Variants in TBC1D19 observed in about 807,000 individuals in gnomAD.
TBC1D19 encodes TBC1 domain family member 19.
In TBC1D19, 60 loss-of-function variants were observed where a neutral mutation model predicts 89.0. That is an observed-to-expected ratio of 0.67 (90% CI 0.55 to 0.84). TBC1D19 has a LOEUF of 0.84. TBC1D19 is among the 40% of genes least tolerant of loss of function. The pLI, the probability that TBC1D19 is intolerant of heterozygous loss-of-function variation, is 0.00. For synonymous variants in TBC1D19, 189 were observed against 199.7 expected, an observed-to-expected ratio of 0.95 and a Z score of 0.45; for missense variants, 500 against 610.8, an observed-to-expected ratio of 0.82 and a Z score of 1.91.
At chr4:26,682,265 A>T (rs1713414047) in intron 11 of TBC1D19, among the ~76,000 whole-genome samples, 1 of 152,222 alleles carries the variant, frequency 6.6e-6, no homozygotes, top group South Asian at 2.1e-4. Flanking sequence ...TGGAATATAA[A>T]TAAAATAGTA....
intron 7 of TBC1D19, among the ~76,000 whole-genome samples, chr4:26,655,816 T>C (rs1744760262): frequency 6.6e-6 from 1 of 152,228 alleles, no homozygotes; most frequent in South Asian, 2.1e-4. Context: ...CCCCTTGCAC[T>C]TCCTGCGTGA....
chr4:26,817,976 A>AT, the TBC1D19 span, among the ~76,000 whole-genome samples: 8 of 109,458 alleles, frequency 7.3e-5, no homozygotes, highest in East Asian at 1.5e-3. Context: ...TTTAAAAAAA[A>AT]AAAAAATATA....
the TBC1D19 span, among the ~76,000 whole-genome samples, chr4:26,845,084 C>A: frequency 6.6e-6 from 1 of 152,018 alleles, no homozygotes; most frequent in East Asian, 1.9e-4. Context: ...TTAATGAAAT[C>A]AACAATTATC....
the TBC1D19 span, among the ~76,000 whole-genome samples, chr4:26,779,904 A>G: frequency 1.3e-5 from 2 of 152,170 alleles, no homozygotes; most frequent in Non-Finnish European, 2.9e-5. Context: ...TGGCAGGTCC[A>G]CACTGGGTTT....
intron 1 of TBC1D19, among the ~76,000 whole-genome samples, chr4:26,586,623 TG>T (rs1465348052): frequency 1.3e-5 from 2 of 152,182 alleles, no homozygotes; most frequent in African/African-American, 4.8e-5. Context: ...TTATTTATGT[TG>T]TTTTTATTTT....
intron 5 of TBC1D19, 31 bp downstream of exon 5, chr4:26,637,316 T>C: frequency 6.6e-7 from 1 of 1,509,826 alleles, no homozygotes; most frequent in Non-Finnish European, 9.1e-7. Flanking sequence ...GTTTAAGTAT[T>C]TCATTGTGAA....
At chr4:26,708,274 A>G (rs1035608347) in intron 13 of TBC1D19, among the ~76,000 whole-genome samples, 4 of 151,966 alleles carry the variant, frequency 2.6e-5, no homozygotes, top group Admixed American at 2.6e-4. Context: ...TTCTTTTACC[A>G]CATTGAATAT....
chr4:26,625,195 T>G (rs949730689), intron 4 of TBC1D19, among the ~76,000 whole-genome samples: 3 of 152,156 alleles, frequency 2.0e-5, no homozygotes, highest in African/African-American at 7.2e-5. Context: ...TTTTCTGGGC[T>G]CATGAGGTTA....
intron 19 of TBC1D19, among the ~76,000 whole-genome samples, chr4:26,750,797 G>T (rs1001903932): frequency 1.1e-4 from 17 of 152,152 alleles, no homozygotes; most frequent in African/African-American, 3.9e-4. Flanking sequence ...TCACAGGGTA[G>T]ATAATTTCAT....
rs145862761 is a variant in TBC1D19 at position 26,649,150 on chromosome 4, AT to A, written c.480+8971del. On this transcript the variant is annotated intron_variant, in intron 7 of 20. Coordinates refer to ENST00000264866, the MANE Select transcript of TBC1D19 (RefSeq NM_018317.4). ...GGCTAAAATTGTAGATTCTTTGCTAATTTTTTTTAAACAAATACTATTTATA... is the reference window on the plus strand; with the variant it reads ...GGCTAAAATTGTAGATTCTTTGCTAATTTTTTTAAACAAATACTATTTATA... Among the ~76,000 whole-genome samples the A allele has an allele frequency of 5.6e-3, 852 of 151,564 alleles. 10 individuals carry two copies. Among genetic ancestry groups the A allele is most frequent in the African/African-American group, 0.019 (806 of 41,366 alleles).
chr4:26,667,575 A>T (rs1711921866), intron 9 of TBC1D19, among the ~76,000 whole-genome samples: 1 of 152,074 alleles, frequency 6.6e-6, no homozygotes, highest in Non-Finnish European at 1.5e-5. Context: ...TATACCACAC[A>T]TTTATTTATC....
In TBC1D19 at chr4:26,606,180, G is replaced by T. The variant is rs1740986998; in HGVS notation, c.100-6989G>T. 2.0e-5 allele frequency among the ~76,000 whole-genome samples: 3 copies of T among 152,040 alleles called. No homozygotes were observed. In the South Asian group the frequency reaches 6.2e-4, roughly 32 times the overall value. The stretch of plus-strand genomic sequence containing the variant: ...CTCATCAGTAATTTTTAAGAGTGAG[G>T]GTCCTGCGACTGAAAAGTTTGAATA... On this transcript the variant is annotated intron_variant, in intron 1 of 20. Coordinates refer to ENST00000264866, the MANE Select transcript of TBC1D19 (RefSeq NM_018317.4).
At chr4:26,694,896 T>A (rs891272784) in intron 13 of TBC1D19, among the ~76,000 whole-genome samples, 18 of 152,084 alleles carry the variant, frequency 1.2e-4, no homozygotes, top group African/African-American at 4.1e-4. Flanking sequence ...CATCTATACG[T>A]CACCATCATC....
At chr4:26,842,583 C>CCTTCCTTCCTTTCTTT in the TBC1D19 span, among the ~76,000 whole-genome samples, 251 of 70,604 alleles carry the variant, frequency 3.6e-3, no homozygotes, top group East Asian at 6.2e-3. Flanking sequence ...TTCCTCCCTC[C>CCTTCCTTCCTTTCTTT]CTTTCTTTCT....
chr4:26,829,395 G>A, the TBC1D19 span, among the ~76,000 whole-genome samples: 1 of 152,182 alleles, frequency 6.6e-6, no homozygotes, highest in African/African-American at 2.4e-5. Flanking sequence ...GCCCTCTATA[G>A]CTGAAGAAAC....
intron 13 of TBC1D19, among the ~76,000 whole-genome samples, chr4:26,694,472 C>T (rs1298079200): frequency 2.0e-5 from 3 of 152,156 alleles, no homozygotes; most frequent in African/African-American, 4.8e-5. Flanking sequence ...CTCTGGGGGC[C>T]GGGCATAGCC....
At chr4:26,801,067 C>T in the TBC1D19 span, among the ~76,000 whole-genome samples, 1 of 152,188 alleles carries the variant, frequency 6.6e-6, no homozygotes, top group South Asian at 2.1e-4. Context: ...GTGTTTTAGA[C>T]ATGAAGCCCT....
At chr4:26,813,747 T>C in the TBC1D19 span, among the ~76,000 whole-genome samples, 1 of 152,126 alleles carries the variant, frequency 6.6e-6, no homozygotes, top group Admixed American at 6.6e-5. Context: ...ACAGCCTCAC[T>C]CCTTCCCCGC....
intron 1 of TBC1D19, among the ~76,000 whole-genome samples, chr4:26,604,863 G>A (rs576774604): frequency 2.7e-5 from 4 of 145,704 alleles, no homozygotes; most frequent in East Asian, 4.2e-4. Context: ...CAGCCTGGGC[G>A]ACAGAGCGAG....
Sources: gnomAD v4.1 joint callset for allele counts (sites outside exome capture counted in the v4.1 genomes callset) on GRCh38, gnomAD v4.1.1 for gene constraint, MANE v1.5 for transcripts, NCBI Gene and HGNC (gene_info 2026-07-23, HGNC 2026-07-21) for gene names.